SVIL: variants seen among roughly 807,000 people sequenced by gnomAD.
SVIL encodes the protein archvillin.
Under a neutral mutation model 240.4 loss-of-function variants are expected in SVIL, and 101 were observed. The observed-to-expected ratio is 0.42, with a 90% CI of 0.36 to 0.50. SVIL has a LOEUF of 0.50. SVIL is among the 20% of genes least tolerant of loss of function. The pLI is 0.01. For missense variants in SVIL, 2,512 were observed against 2,818.7 expected, an observed-to-expected ratio of 0.89 and a Z score of 2.46; for synonymous variants, 999 against 1,100.0, an observed-to-expected ratio of 0.91 and a Z score of 1.82.
At chr10:29,669,004 C>T (rs773182485) in intron 2 of SVIL, among the ~76,000 whole-genome samples, 17 of 152,092 alleles carry the variant, frequency 1.1e-4, no homozygotes, top group Non-Finnish European at 1.6e-4. Context: ...AACCAATGTC[C>T]CTGTCTCTAT....
intron 9 of SVIL, 70 bp downstream of exon 9, chr10:29,531,932 G>A (rs549044343): frequency 8.9e-5 from 137 of 1,534,588 alleles, no homozygotes; most frequent in Non-Finnish European, 1.2e-4. Flanking sequence ...CGTCAAGACC[G>A]TCAGTGTGGT....
chr10:29,717,539 T>C lies in SVIL; in HGVS notation c.-400+18212A>G, dbSNP rs117929204. Among the ~76,000 whole-genome samples the C allele has an allele frequency of 2.1e-3, 313 of 152,354 alleles. 2 individuals carry two copies. Among genetic ancestry groups the C allele is most frequent in the Admixed American group, 4.2e-3 (64 of 15,310 alleles). The stretch of plus-strand genomic sequence containing the variant: ...CATAAGAAAATGTTGGGGAATACTT[T>C]GTTGATATTGATAAATTTAGAGTTA... On this transcript the variant is annotated intron_variant, in intron 1 of 35. Coordinates refer to the SVIL transcript ENST00000375400.
chr10:29,663,523 A>T (rs1414396661), intron 2 of SVIL, among the ~76,000 whole-genome samples: 1 of 152,052 alleles, frequency 6.6e-6, no homozygotes, highest in African/African-American at 2.4e-5. Flanking sequence ...TGCCCAGCTA[A>T]TTTTTGTATT....
At chr10:29,602,759 T>C (rs1408458798) in intron 1 of SVIL, among the ~76,000 whole-genome samples, 1 of 152,108 alleles carries the variant, frequency 6.6e-6, no homozygotes, top group Non-Finnish European at 1.5e-5. Context: ...GCCGAGGCAG[T>C]TGGATCACCT....
intron 1 of SVIL, among the ~76,000 whole-genome samples, chr10:29,587,113 A>T (rs1193794862): frequency 6.6e-6 from 1 of 152,238 alleles, no homozygotes; most frequent in East Asian, 1.9e-4. Flanking sequence ...CTGAACACAC[A>T]AGCTACGCAG....
chr10:29,605,310 G>T (rs1238627951), intron 1 of SVIL, among the ~76,000 whole-genome samples: 2 of 152,168 alleles, frequency 1.3e-5, no homozygotes, highest in African/African-American at 4.8e-5. Context: ...GTATCTGAAA[G>T]AACTCTGACA....
chr10:29,516,275 G>C (rs1169129477), intron 16 of SVIL, among the ~76,000 whole-genome samples: 2 of 152,332 alleles, frequency 1.3e-5, no homozygotes, highest in Admixed American at 1.3e-4. Context: ...AGACTACAGA[G>C]TAACCAGAAT....
upstream of SVIL, among the ~76,000 whole-genome samples, chr10:29,639,267 G>A (rs951786230): frequency 6.6e-6 from 1 of 152,150 alleles, no homozygotes; most frequent in African/African-American, 2.4e-5. Flanking sequence ...CTCCTCCCGA[G>A]TTCAAGTGAT....
chr10:29,635,012 T>G (rs1325726679), upstream of SVIL: 1 of 152,058 alleles, frequency 6.6e-6, no homozygotes, highest in African/African-American at 2.4e-5. Context: ...TGGCCTGAAC[T>G]CGAGAGCCTT....
chr10:29,731,194 CTGT>C (rs894412830), intron 1 of SVIL, among the ~76,000 whole-genome samples: 1 of 152,166 alleles, frequency 6.6e-6, no homozygotes, highest in African/African-American at 2.4e-5. Flanking sequence ...TTGTTTACGT[CTGT>C]TGTTTCTGAA....
At chr10:29,500,455 G>A (rs2039284530) in intron 17 of SVIL, among the ~76,000 whole-genome samples, 1 of 152,138 alleles carries the variant, frequency 6.6e-6, no homozygotes, top group Admixed American at 6.5e-5. Flanking sequence ...GCTGGTTTCT[G>A]GAAGGGGCTC....
At chr10:29,587,220 G>C (rs569881361) in intron 1 of SVIL, among the ~76,000 whole-genome samples, 2 of 152,320 alleles carry the variant, frequency 1.3e-5, no homozygotes, top group Admixed American at 1.3e-4. Context: ...CTGCCAAGGA[G>C]AGTGCATATT....
chr10:29,636,081 G>A (rs1285584863), upstream of SVIL, among the ~76,000 whole-genome samples: 1 of 151,948 alleles, frequency 6.6e-6, no homozygotes, highest in Non-Finnish European at 1.5e-5. Context: ...TTTGTGCTAG[G>A]GGTATTTGTC....
At chr10:29,574,283 G>C (rs1163707571) in intron 1 of SVIL, among the ~76,000 whole-genome samples, 1 of 152,226 alleles carries the variant, frequency 6.6e-6, no homozygotes, top group South Asian at 2.1e-4. Context: ...GGGTAAAACT[G>C]TGTGCCTGGG....
At chr10:29,647,089 A>G (rs1958683052) in intron 3 of SVIL, 1 of 152,250 alleles carries the variant, frequency 6.6e-6, no homozygotes, top group Non-Finnish European at 1.5e-5. Context: ...ACAAGAGGAC[A>G]TGCTTAGGAC....
intron 3 of SVIL, among the ~76,000 whole-genome samples, chr10:29,656,527 T>C (rs371348818): frequency 1.3e-5 from 2 of 152,140 alleles, no homozygotes; most frequent in African/African-American, 2.4e-5. Flanking sequence ...TTGAAACTTA[T>C]ATTTGTTTTA....
intron 1 of SVIL, among the ~76,000 whole-genome samples, chr10:29,611,782 C>G (rs1210153232): frequency 6.6e-6 from 1 of 152,180 alleles, no homozygotes; most frequent in African/African-American, 2.4e-5. Flanking sequence ...AGTCAGAACT[C>G]AGAGTGAATC....
At chr10:29,506,477 C>G (rs561292978) in intron 17 of SVIL, among the ~76,000 whole-genome samples, 18 of 152,234 alleles carry the variant, frequency 1.2e-4, no homozygotes, top group African/African-American at 4.3e-4. Context: ...GACACCTTCC[C>G]TGTCAGCTTC....
At chr10:29,535,470 C>T (rs1001109734) in intron 7 of SVIL, among the ~76,000 whole-genome samples, 1 of 152,194 alleles carries the variant, frequency 6.6e-6, no homozygotes, top group Admixed American at 6.5e-5. Flanking sequence ...TCCCTGCCCC[C>T]AGTCTTAAAA....
Sources: allele counts gnomAD v4.1 joint callset (sites outside exome capture counted in the v4.1 genomes callset), GRCh38; gene constraint gnomAD v4.1.1; transcripts MANE v1.5; gene names NCBI Gene and HGNC (gene_info 2026-07-23, HGNC 2026-07-21).